Variants in KLHL1 observed in about 807,000 individuals in gnomAD.
The protein encoded by KLHL1 is kelch like family member 1.
Under a neutral mutation model 77.7 loss-of-function variants are expected in KLHL1, and 47 were observed. The ratio of observed to expected loss-of-function variants is 0.60; its 90% confidence interval spans 0.48 to 0.77. KLHL1 has a LOEUF of 0.77. KLHL1 is among the 30% of genes least tolerant of loss of function. The pLI is 0.00. For synonymous variants in KLHL1, 360 were observed against 325.2 expected, an observed-to-expected ratio of 1.11 and a Z score of -1.15; for missense variants, 925 against 910.8, an observed-to-expected ratio of 1.02 and a Z score of -0.20.
chr13:70,042,604 C>T (rs1471923680), intron 1 of KLHL1, among the ~76,000 whole-genome samples: 3 of 152,094 alleles, frequency 2.0e-5, no homozygotes, highest in Non-Finnish European at 4.4e-5. Flanking sequence ...ATAAAAAATA[C>T]AATTCATACA....
At chr13:70,028,773 C>T (rs962830) in intron 1 of KLHL1, among the ~76,000 whole-genome samples, 129,551 of 151,974 alleles carry the variant, frequency 0.85, 55,775 homozygotes, top group East Asian at 0.92. Flanking sequence ...GCCCAGGAGA[C>T]TGAGACCAAC....
intron 1 of KLHL1, among the ~76,000 whole-genome samples, chr13:70,033,058 A>G (rs2501202): frequency 0.98 from 149,729 of 152,324 alleles, 73,614 homozygotes; most frequent in East Asian, 1. Flanking sequence ...TTATTTAAAT[A>G]TGCACTTCAC....
intron 7 of KLHL1, among the ~76,000 whole-genome samples, chr13:69,782,375 C>T (rs1376389874): frequency 2.0e-5 from 3 of 152,186 alleles, no homozygotes; most frequent in Non-Finnish European, 2.9e-5. Context: ...TTGCCTCACT[C>T]GGGAAGCGCA....
chr13:70,010,545 A>C (rs573851625), intron 1 of KLHL1, among the ~76,000 whole-genome samples: 1 of 152,120 alleles, frequency 6.6e-6, no homozygotes, highest in African/African-American at 2.4e-5. Context: ...ATGGGGGTAC[A>C]TAGTAAATAT....
intron 1 of KLHL1, among the ~76,000 whole-genome samples, chr13:70,054,377 G>A (rs75177281): frequency 6.6e-6 from 1 of 152,010 alleles, no homozygotes; most frequent in Non-Finnish European, 1.5e-5. Flanking sequence ...TATGTTTCTA[G>A]AGGTTTTTTA....
At chr13:69,894,329 TA>T (rs1881550357) in intron 4 of KLHL1, 1 of 155,954 alleles carries the variant, frequency 6.4e-6, no homozygotes, top group Non-Finnish European at 1.4e-5. Flanking sequence ...TTCCATCAGG[TA>T]GGGGGAAATC....
chr13:69,745,684 A>C (rs940488967), intron 7 of KLHL1, among the ~76,000 whole-genome samples: 2 of 151,996 alleles, frequency 1.3e-5, no homozygotes, highest in African/African-American at 4.8e-5. Flanking sequence ...TATAATGGAC[A>C]AGCATAACTA....
rs143169519 is a variant in KLHL1 at position 70,024,726 on chromosome 13, G to A, written c.498-48924C>T. On this transcript the variant is annotated intron_variant, in intron 1 of 10. Transcript: ENST00000377844. ...AGTTTAGGAGGGAACAATTATGAAC[G>A]GAAGTTGGAGAGAAGAACTCGCACA... is the stretch of plus-strand genomic sequence containing the variant. Among the ~76,000 whole-genome samples, 4 of 150,624 alleles carry A rather than the reference G, an allele frequency of 2.7e-5. No homozygotes were observed. In the East Asian group the frequency reaches 5.9e-4, roughly 22 times the overall value.
chr13:70,040,905 C>T (rs1005095482), intron 1 of KLHL1, among the ~76,000 whole-genome samples: 1 of 152,014 alleles, frequency 6.6e-6, no homozygotes, highest in Non-Finnish European at 1.5e-5. Flanking sequence ...GTCCCTGAGG[C>T]CATGTTCAGT....
chr13:69,834,734 TGAA>T (rs1056347752), intron 6 of KLHL1, among the ~76,000 whole-genome samples: 26 of 152,230 alleles, frequency 1.7e-4, no homozygotes, highest in African/African-American at 5.8e-4. Context: ...GTCTATCATT[TGAA>T]GAAGAGAATG....
At chr13:70,045,912 T>C (rs1360143374) in intron 1 of KLHL1, among the ~76,000 whole-genome samples, 1 of 152,256 alleles carries the variant, frequency 6.6e-6, no homozygotes, top group Non-Finnish European at 1.5e-5. Flanking sequence ...TTAAACCCTA[T>C]GCCTGAAAAT....
At chr13:70,024,494 C>T (rs986294496) in intron 1 of KLHL1, among the ~76,000 whole-genome samples, 68 of 151,856 alleles carry the variant, frequency 4.5e-4, no homozygotes, top group Non-Finnish European at 8.5e-4. Context: ...CTCTGCTTTG[C>T]TTTGCTTTCT....
chr13:70,028,314 C>A (rs962827), intron 1 of KLHL1, among the ~76,000 whole-genome samples: 129,720 of 152,154 alleles, frequency 0.85, 55,854 homozygotes, highest in East Asian at 0.92. Flanking sequence ...GGCCCATGGA[C>A]AGCCAAAAAT....
chr13:69,759,246 G>A (rs546013925), intron 7 of KLHL1, among the ~76,000 whole-genome samples: 11 of 152,198 alleles, frequency 7.2e-5, no homozygotes, highest in South Asian at 4.2e-4. Flanking sequence ...AACTAAAGAC[G>A]TAAGCTCACA....
intron 1 of KLHL1, among the ~76,000 whole-genome samples, chr13:70,050,908 T>C (rs2137391719): frequency 6.6e-6 from 1 of 152,136 alleles, no homozygotes; most frequent in Non-Finnish European, 1.5e-5. Flanking sequence ...TTAAATTGAA[T>C]CTCATATTTG....
chr13:69,712,598 A>G (rs1395320470), intron 9 of KLHL1, among the ~76,000 whole-genome samples: 1 of 152,088 alleles, frequency 6.6e-6, no homozygotes, highest in Non-Finnish European at 1.5e-5. Context: ...ATAAGCCTTT[A>G]TATATAGTTT....
intron 9 of KLHL1, among the ~76,000 whole-genome samples, chr13:69,715,968 A>C (rs2137887731): frequency 6.6e-6 from 1 of 152,274 alleles, no homozygotes; most frequent in South Asian, 2.1e-4. Flanking sequence ...CTATCTCAAA[A>C]GTTTCCTCTT....
Position 70,098,769 on chromosome 13 carries a change from A to G in KLHL1, c.497+8434T>C, listed in dbSNP as rs191442570. Among the ~76,000 whole-genome samples, 16 of 151,856 alleles carry G rather than the reference A, an allele frequency of 1.1e-4. No individual in the cohort carries two copies. The East Asian group carries it at 3.1e-3, about 29-fold the overall frequency. On this transcript the variant is annotated intron_variant, in intron 1 of 10. Transcript: ENST00000377844. ...ACAGAGCATTTTTTACTATCATAGGATATCTTAATGTTCCTATATACCTGC... is the reference window on the plus strand; with the variant it reads ...ACAGAGCATTTTTTACTATCATAGGGTATCTTAATGTTCCTATATACCTGC...
At chr13:70,104,758 A>C (rs1426820221) in intron 1 of KLHL1, among the ~76,000 whole-genome samples, 1 of 152,144 alleles carries the variant, frequency 6.6e-6, no homozygotes, top group Non-Finnish European at 1.5e-5. Flanking sequence ...ACTGATCATC[A>C]TAAACACCAT....
Sources: allele counts gnomAD v4.1 joint callset (sites outside exome capture counted in the v4.1 genomes callset), GRCh38; gene constraint gnomAD v4.1.1; transcripts MANE v1.5; gene names NCBI Gene and HGNC (gene_info 2026-07-23, HGNC 2026-07-21).